Variants in PDE1C observed in about 807,000 individuals in gnomAD.
The protein encoded by PDE1C is phosphodiesterase 1C, also known as dual specificity calcium/calmodulin-dependent 3',5'-cyclic nucleotide phosphodiesterase 1C.
Under a neutral mutation model 93.1 loss-of-function variants are expected in PDE1C, and 62 were observed. The observed-to-expected ratio is 0.67, with a 90% CI of 0.54 to 0.82. The LOEUF is 0.82. PDE1C is among the 40% of genes least tolerant of loss of function. PDE1C has a pLI of 0.00. For synonymous variants in PDE1C, 325 were observed against 310.1 expected (o/e 1.05, Z -0.50); for missense variants, 742 against 884.6 (o/e 0.84, Z 2.04).
At chr7:32,046,895 C>T (rs1584588427) in intron 2 of PDE1C, among the ~76,000 whole-genome samples, 1 of 152,138 alleles carries the variant, frequency 6.6e-6, no homozygotes, top group African/African-American at 2.4e-5. Flanking sequence ...ACTCCAACTC[C>T]TAAACATTCT....
At chr7:31,677,860 T>A in the PDE1C span, among the ~76,000 whole-genome samples, 1 of 152,114 alleles carries the variant, frequency 6.6e-6, no homozygotes, top group Non-Finnish European at 1.5e-5. Flanking sequence ...TATTTACATG[T>A]GAGATAATTT....
intron 7 of PDE1C, among the ~76,000 whole-genome samples, chr7:31,854,525 G>A (rs1249652499): frequency 1.3e-5 from 2 of 152,124 alleles, no homozygotes; most frequent in Non-Finnish European, 2.9e-5. Context: ...TGGTAATTGG[G>A]GACCTTGAGT....
intron 9 of PDE1C, among the ~76,000 whole-genome samples, chr7:31,844,199 A>C (rs903782088): frequency 4.6e-5 from 7 of 151,752 alleles, no homozygotes; most frequent in African/African-American, 1.7e-4. Flanking sequence ...TGATTTCACT[A>C]TCATATCATT....
chr7:32,157,542 G>GT (rs1801651735), intron 3 of PDE1C, among the ~76,000 whole-genome samples: 2 of 11,656 alleles, frequency 1.7e-4, no homozygotes, highest in Non-Finnish European at 3.6e-4. Context: ...CCAGAGTGGA[G>GT]CCAGCCAAAA....
intron 2 of PDE1C, among the ~76,000 whole-genome samples, chr7:32,206,529 G>A (rs1805547701): frequency 6.6e-6 from 1 of 152,176 alleles, no homozygotes; most frequent in Admixed American, 6.5e-5. Flanking sequence ...CATCCCAGAA[G>A]TCCCCAATGT....
At chr7:31,968,691 G>T (rs1299343279) in intron 2 of PDE1C, among the ~76,000 whole-genome samples, 1 of 152,258 alleles carries the variant, frequency 6.6e-6, no homozygotes, top group East Asian at 1.9e-4. Flanking sequence ...GAGGCATCAT[G>T]CTACCTGACT....
chr7:32,324,668 G>T (rs1376281), intron 1 of PDE1C, among the ~76,000 whole-genome samples: 21,353 of 152,240 alleles, frequency 0.14, 1,769 homozygotes, highest in East Asian at 0.39. Context: ...CTGATGCAAG[G>T]TTGGGCGCGG....
chr7:32,131,146 GT>G (rs1413117285), intron 3 of PDE1C, among the ~76,000 whole-genome samples: 2 of 152,110 alleles, frequency 1.3e-5, no homozygotes, highest in Admixed American at 6.6e-5. Flanking sequence ...TGTCTCAGGA[GT>G]TTTAAATTCA....
intron 3 of PDE1C, among the ~76,000 whole-genome samples, chr7:32,149,388 T>C (rs1412542791): frequency 6.6e-6 from 1 of 152,222 alleles, no homozygotes; most frequent in Non-Finnish European, 1.5e-5. Flanking sequence ...AGAACACCTC[T>C]GATCTCAGAC....
intron 1 of PDE1C, among the ~76,000 whole-genome samples, chr7:32,363,555 C>T (rs529661435): frequency 2.0e-5 from 3 of 152,330 alleles, no homozygotes; most frequent in Admixed American, 6.5e-5. Flanking sequence ...GAAATAACTT[C>T]GATTGCTTTC....
At chr7:32,112,800 ATATATGTGTG>A (rs1183140896) in intron 3 of PDE1C, among the ~76,000 whole-genome samples, 3 of 74,686 alleles carry the variant, frequency 4.0e-5, no homozygotes. Flanking sequence ...ATATATATAC[ATATATGTGTG>A]TGTGTGTGTG....
At chr7:32,094,032 T>C (rs1170363625) in intron 3 of PDE1C, among the ~76,000 whole-genome samples, 2 of 152,248 alleles carry the variant, frequency 1.3e-5, no homozygotes, top group Non-Finnish European at 2.9e-5. Flanking sequence ...AGCAGGAATG[T>C]GTGAGCCACT....
At chr7:31,808,289 TTTAA>T in intron 16 of PDE1C, 1 of 378,480 alleles carries the variant, frequency 2.6e-6, no homozygotes, top group Non-Finnish European at 5.0e-6. Flanking sequence ...CCGTGGAAAC[TTTAA>T]TTTTTAGCTT....
intron 4 of PDE1C, 109 bp downstream of exon 4, chr7:31,878,887 T>C: frequency 9.3e-7 from 1 of 1,079,776 alleles, no homozygotes; most frequent in South Asian, 1.5e-5. Context: ...CCCACAATTT[T>C]CAGTATTTAT....
the PDE1C span, among the ~76,000 whole-genome samples, chr7:31,672,018 C>T: frequency 6.6e-6 from 1 of 152,148 alleles, no homozygotes; most frequent in Non-Finnish European, 1.5e-5. Flanking sequence ...GTGAAAACCC[C>T]ATTTGGGAAT....
intron 2 of PDE1C, among the ~76,000 whole-genome samples, chr7:31,922,551 AATCTATGCACAAGCC>A (rs1407270415): frequency 2.6e-5 from 4 of 152,308 alleles, no homozygotes; most frequent in Non-Finnish European, 5.9e-5. Context: ...GGAAGACTTT[AATCTATGCACAAGCC>A]ATCATTAAAC....
chr7:32,236,286 C>T (rs1017117473), intron 1 of PDE1C, among the ~76,000 whole-genome samples: 2 of 151,804 alleles, frequency 1.3e-5, no homozygotes, highest in African/African-American at 4.8e-5. Flanking sequence ...AAGTAAGATC[C>T]ATAAAAGAAA....
the PDE1C span, among the ~76,000 whole-genome samples, chr7:31,617,667 C>T: frequency 4.0e-5 from 6 of 151,850 alleles, no homozygotes; most frequent in Admixed American, 2.0e-4. Flanking sequence ...AAAAAACCCA[C>T]GATACTCTTG....
the PDE1C span, among the ~76,000 whole-genome samples, chr7:31,674,002 G>T: frequency 6.6e-6 from 1 of 152,122 alleles, no homozygotes; most frequent in Non-Finnish European, 1.5e-5. Flanking sequence ...AGCTTACTAT[G>T]TGTGTATTTT....
Sources: allele counts gnomAD v4.1 joint callset (sites outside exome capture counted in the v4.1 genomes callset), GRCh38; gene constraint gnomAD v4.1.1; transcripts MANE v1.5; gene names NCBI Gene and HGNC (gene_info 2026-07-23, HGNC 2026-07-21).